The following POLA1 variants were observed in gnomAD, a reference collection of about 807,000 sequenced individuals.
The protein encoded by POLA1 is DNA polymerase alpha catalytic subunit.
POLA1 carries 15 observed loss-of-function variants against 124.0 expected under a neutral mutation model. The ratio of observed to expected loss-of-function variants is 0.12; its 90% CI spans 0.08 to 0.19. The LOEUF is 0.19. POLA1 is among the 10% of genes least tolerant of loss of function. POLA1 has a pLI of 1.00. For synonymous variants in POLA1, 408 were observed against 389.4 expected, an observed-to-expected ratio of 1.05 and a Z score of -0.56; for missense variants, 886 against 1,103.4, an observed-to-expected ratio of 0.80 and a Z score of 2.79.
intron 29 of POLA1, among the ~76,000 whole-genome samples, chrX:24,814,221 C>T (rs1029370955): frequency 2.7e-5 from 3 of 112,375 alleles, no homozygotes; most frequent in Admixed American, 1.9e-4. Context: ...AAGTAAATTT[C>T]TCTTGAGTTA....
chrX:24,856,243 G>A (rs1266576010), intron 34 of POLA1, among the ~76,000 whole-genome samples: 1 of 111,910 alleles, frequency 8.9e-6, no homozygotes, highest in Non-Finnish European at 1.9e-5. Context: ...ACTATGATAT[G>A]TTCTCATCAG....
chrX:24,916,832 G>A (rs1326098182), intron 35 of POLA1, among the ~76,000 whole-genome samples: 2 of 112,269 alleles, frequency 1.8e-5, no homozygotes, highest in Non-Finnish European at 3.8e-5. Context: ...TTTATTCCAA[G>A]GAAAATCCAT....
intron 18 of POLA1, among the ~76,000 whole-genome samples, chrX:24,736,625 T>C (rs1465071119): frequency 8.9e-6 from 1 of 112,273 alleles, no homozygotes. Flanking sequence ...GGTCTTCTAA[T>C]TTAATAAGCA....
At position 24,949,604 on chromosome X, in the gene POLA1, T is replaced by TAA. The variant is rs762001201; in HGVS notation, c.4261+19072_4261+19073dup. Reference sequence around the variant, plus strand: ...CCATGAAACTTGGGGGTTTAAACAGTAAAAAAAAAAAAAAAAAATCCAGCA... The same window carrying TAA: ...CCATGAAACTTGGGGGTTTAAACAGTAAAAAAAAAAAAAAAAAAAATCCAGCA... On this transcript the variant is annotated intron_variant, in intron 36 of 36. Transcript: ENST00000379068. 2.3e-3 allele frequency among the ~76,000 whole-genome samples: 179 copies of TAA among 76,421 alleles called. 2 individuals are homozygous for TAA. The highest frequency in any genetic ancestry group is 8.4e-3 in the African/African-American group (172 of 20,554). 66.4% of individuals were successfully genotyped at this position (76,421 alleles called of 115,157 possible). A position where few individuals can be genotyped will look rare whatever the true frequency, so the allele number is the denominator to read the frequency against.
At chrX:24,909,390 C>T (rs1335733273) in intron 35 of POLA1, among the ~76,000 whole-genome samples, 2 of 111,768 alleles carry the variant, frequency 1.8e-5, no homozygotes, top group African/African-American at 6.5e-5. Context: ...AAGTCTTTAA[C>T]CCATCTTGAA....
At chrX:24,811,965 A>T (rs1249064978) in intron 28 of POLA1, among the ~76,000 whole-genome samples, 4 of 112,642 alleles carry the variant, frequency 3.6e-5, no homozygotes, top group Non-Finnish European at 5.6e-5. Context: ...TGTCCCCATG[A>T]ACTAAAACTA....
chrX:24,971,335 C>T (rs931311800), intron 36 of POLA1, among the ~76,000 whole-genome samples: 2 of 112,367 alleles, frequency 1.8e-5, no homozygotes, highest in Non-Finnish European at 3.8e-5. Context: ...CTGTCATGTA[C>T]GTGGACCTCA....
At chrX:24,856,241 A>G (rs754453236) in intron 34 of POLA1, among the ~76,000 whole-genome samples, 68 of 112,112 alleles carry the variant, frequency 6.1e-4, no homozygotes, top group Non-Finnish European at 1.1e-3. Flanking sequence ...CAACTATGAT[A>G]TGTTCTCATC....
chrX:24,725,440 C>G (rs1009859425), intron 12 of POLA1, among the ~76,000 whole-genome samples: 1 of 110,598 alleles, frequency 9.0e-6, no homozygotes, highest in Non-Finnish European at 1.9e-5. Flanking sequence ...TCAAGTGATC[C>G]GCCCGCCTCG....
intron 1 of POLA1, 116 bp downstream of exon 1, chrX:24,694,120 C>A: frequency 8.1e-6 from 6 of 743,073 alleles, no homozygotes; most frequent in Non-Finnish European, 1.2e-5. Flanking sequence ...CCTTGGTCGT[C>A]CCCGGCGGGG....
chrX:24,799,926 A>G (rs2045677052), intron 26 of POLA1, among the ~76,000 whole-genome samples: 1 of 112,057 alleles, frequency 8.9e-6, no homozygotes, highest in Non-Finnish European at 1.9e-5. Context: ...TGATTACTGA[A>G]GTAAGACACT....
intron 36 of POLA1, among the ~76,000 whole-genome samples, chrX:24,939,685 A>G (rs2047890690): frequency 8.9e-6 from 1 of 111,786 alleles, no homozygotes; most frequent in African/African-American, 3.2e-5. Context: ...GGACAAGGAT[A>G]AGTGCCAACA....
chrX:24,704,273 A>AC, intron 3 of POLA1, 116 bp from the exon 4 acceptor site: 1 of 530,858 alleles, frequency 1.9e-6, no homozygotes, highest in East Asian at 3.3e-5. Context: ...TGCACTTAAA[A>AC]ATAGCACAGG....
At chrX:24,946,137 G>T (rs185326244) in intron 36 of POLA1, among the ~76,000 whole-genome samples, 1 of 111,230 alleles carries the variant, frequency 9.0e-6, no homozygotes, top group East Asian at 2.8e-4. Flanking sequence ...TAAGGTGGAG[G>T]CTAACCCAAA....
intron 34 of POLA1, among the ~76,000 whole-genome samples, chrX:24,884,211 T>G (rs2047037356): frequency 9.0e-6 from 1 of 111,531 alleles, no homozygotes; most frequent in African/African-American, 3.3e-5. Flanking sequence ...TGCTGTGACA[T>G]AATTACAGCT....
intron 34 of POLA1, among the ~76,000 whole-genome samples, chrX:24,874,065 C>T (rs2046902157): frequency 8.9e-6 from 1 of 111,924 alleles, no homozygotes; most frequent in Non-Finnish European, 1.9e-5. Flanking sequence ...AGTCTACATG[C>T]TGTGTGACAG....
chrX:24,980,469 C>T (rs1052786024), intron 36 of POLA1, among the ~76,000 whole-genome samples: 9 of 111,820 alleles, frequency 8.0e-5, no homozygotes, highest in African/African-American at 2.6e-4. Flanking sequence ...GCAGCAAGAG[C>T]AAGGAGAGGG....
intron 20 of POLA1, among the ~76,000 whole-genome samples, chrX:24,740,204 G>A (rs182323659): frequency 2.7e-5 from 3 of 111,701 alleles, no homozygotes; most frequent in African/African-American, 9.7e-5. Context: ...ATTAATAGGT[G>A]TATTTTTTCC....
intron 36 of POLA1, among the ~76,000 whole-genome samples, chrX:24,937,594 A>AT (rs1265985681): frequency 2.7e-5 from 3 of 111,425 alleles, no homozygotes; most frequent in Non-Finnish European, 5.6e-5. Context: ...TTCTCCGTGT[A>AT]TTTTTTTCCA....
Sources: allele counts gnomAD v4.1 joint callset (sites outside exome capture counted in the v4.1 genomes callset), GRCh38; gene constraint gnomAD v4.1.1; transcripts MANE v1.5; gene names NCBI Gene and HGNC (gene_info 2026-07-23, HGNC 2026-07-21).